Variants in ITPR2 observed in about 807,000 individuals in gnomAD.
The protein encoded by ITPR2 is inositol 1,4,5-trisphosphate-gated calcium channel ITPR2.
Under a neutral mutation model 317.1 loss-of-function variants are expected in ITPR2, and 207 were observed. The ratio of observed to expected loss-of-function variants is 0.65; its 90% CI spans 0.58 to 0.73. The LOEUF is 0.73. Ranked by LOEUF, ITPR2 falls within the 30% of genes least tolerant of loss-of-function variation. The pLI, the probability that ITPR2 is intolerant of heterozygous loss-of-function variation, is 0.00. For missense variants in ITPR2, 2,613 were observed against 3,284.0 expected, an observed-to-expected ratio of 0.80 and a Z score of 4.99; for synonymous variants, 1,156 against 1,149.1, an observed-to-expected ratio of 1.01 and a Z score of -0.12.
chr12:26,425,356 T>C (rs1446325912), intron 49 of ITPR2, among the ~76,000 whole-genome samples: 1 of 152,176 alleles, frequency 6.6e-6, no homozygotes. Flanking sequence ...CAAATTAAAG[T>C]TGATTTTTTT....
chr12:26,538,345 T>C (rs1317966925), intron 37 of ITPR2, among the ~76,000 whole-genome samples: 1 of 144,978 alleles, frequency 6.9e-6, no homozygotes, highest in Non-Finnish European at 1.6e-5. Context: ...CACACCTTTT[T>C]GAAAAAAAAA....
At chr12:26,786,846 G>A (rs1950262080) in intron 2 of ITPR2, among the ~76,000 whole-genome samples, 2 of 152,152 alleles carry the variant, frequency 1.3e-5, no homozygotes, top group Non-Finnish European at 2.9e-5. Flanking sequence ...GTCTGGCTGA[G>A]GCAAGAGGAA....
At chr12:26,699,291 C>A (rs1948403069) in intron 9 of ITPR2, among the ~76,000 whole-genome samples, 1 of 152,142 alleles carries the variant, frequency 6.6e-6, no homozygotes, top group Non-Finnish European at 1.5e-5. Flanking sequence ...TTACCTTCTA[C>A]AATCAGTCTT....
intron 45 of ITPR2, among the ~76,000 whole-genome samples, chr12:26,469,390 T>C (rs12299352): frequency 0.092 from 13,990 of 152,084 alleles, 1,364 homozygotes; most frequent in African/African-American, 0.23. Flanking sequence ...TATGCCAAGT[T>C]CATTGCCACT....
chr12:26,652,571 C>T (rs1947281657), intron 21 of ITPR2, among the ~76,000 whole-genome samples: 1 of 152,172 alleles, frequency 6.6e-6, no homozygotes, highest in Non-Finnish European at 1.5e-5. Context: ...AGCTGCTGGG[C>T]ATTCTTGTTG....
chr12:26,535,756 C>T (rs531428459), intron 37 of ITPR2, among the ~76,000 whole-genome samples: 7 of 152,300 alleles, frequency 4.6e-5, no homozygotes, highest in Non-Finnish European at 8.8e-5. Flanking sequence ...CATTATATGG[C>T]TTCCACTTTT....
At chr12:26,523,610 A>C (rs547828506) in intron 37 of ITPR2, among the ~76,000 whole-genome samples, 4 of 151,898 alleles carry the variant, frequency 2.6e-5, no homozygotes, top group Admixed American at 2.6e-4. Context: ...CCCCACCCCT[A>C]CATTATTTAT....
At chr12:26,819,380 G>T (rs1383609370) in intron 1 of ITPR2, among the ~76,000 whole-genome samples, 1 of 152,132 alleles carries the variant, frequency 6.6e-6, no homozygotes, top group Non-Finnish European at 1.5e-5. Context: ...ATAAATTAAC[G>T]AGGAACAAAA....
chr12:26,541,399 G>A (rs1279461427), intron 37 of ITPR2, among the ~76,000 whole-genome samples: 2 of 152,066 alleles, frequency 1.3e-5, no homozygotes, highest in Admixed American at 1.3e-4. Context: ...CACAGTTGCA[G>A]CATCACTAAT....
intron 45 of ITPR2, among the ~76,000 whole-genome samples, chr12:26,453,985 A>G (rs1324601728): frequency 6.6e-6 from 1 of 152,164 alleles, no homozygotes; most frequent in South Asian, 2.1e-4. Flanking sequence ...GAGTTGCTTA[A>G]TAAATATTTT....
intron 49 of ITPR2, 77 bp downstream of exon 49, chr12:26,427,836 G>T: frequency 1.1e-6 from 1 of 951,780 alleles, no homozygotes; most frequent in Non-Finnish European, 1.4e-6. Context: ...TGAATTAAAA[G>T]CTTATAGTTA....
chr12:26,522,727 G>A (rs1480604398), intron 37 of ITPR2, among the ~76,000 whole-genome samples: 2 of 152,072 alleles, frequency 1.3e-5, no homozygotes, highest in East Asian at 1.9e-4. Flanking sequence ...CTGGGTTTTA[G>A]TACATATTAG....
intron 37 of ITPR2, among the ~76,000 whole-genome samples, chr12:26,533,390 T>C (rs1943996681): frequency 6.6e-6 from 1 of 152,206 alleles, no homozygotes; most frequent in South Asian, 2.1e-4. Context: ...TTAAATCTGT[T>C]TGTAGATGCC....
chr12:26,487,605 G>A (rs1214444908), intron 39 of ITPR2, among the ~76,000 whole-genome samples: 2 of 152,140 alleles, frequency 1.3e-5, no homozygotes, highest in Admixed American at 6.5e-5. Context: ...CAACATGTAT[G>A]TATTGAGTGC....
At chr12:26,643,841 A>G (rs993184142) in intron 21 of ITPR2, among the ~76,000 whole-genome samples, 1 of 152,206 alleles carries the variant, frequency 6.6e-6, no homozygotes, top group African/African-American at 2.4e-5. Flanking sequence ...GAAATGCCTT[A>G]AAGATGGAAT....
chr12:26,451,514 T>C (rs1163618934), intron 45 of ITPR2, among the ~76,000 whole-genome samples: 1 of 152,118 alleles, frequency 6.6e-6, no homozygotes, highest in Non-Finnish European at 1.5e-5. Flanking sequence ...CAAGGAGTTC[T>C]AAAAATATTG....
intron 21 of ITPR2, among the ~76,000 whole-genome samples, chr12:26,636,609 T>C (rs1299846085): frequency 6.6e-6 from 1 of 152,244 alleles, no homozygotes; most frequent in Non-Finnish European, 1.5e-5. Flanking sequence ...CTTACTTTCC[T>C]TTATACTTCT....
At chr12:26,714,491 T>A (rs1948703491) in intron 8 of ITPR2, among the ~76,000 whole-genome samples, 1 of 152,304 alleles carries the variant, frequency 6.6e-6, no homozygotes, top group African/African-American at 2.4e-5. Flanking sequence ...TATTTTCCTT[T>A]TATTTATTCT....
chr12:26,622,445 T>C lies in ITPR2; in HGVS notation c.3123-40A>G, dbSNP rs1417300311. ...ACATTTCTAAAGTGACTCCTATTTA[T>C]ATAACATCTACACTTCAGTATTAGA... On this transcript the variant is annotated intron_variant, in intron 24 of 56. Coordinates refer to ENST00000381340, the MANE Select transcript of ITPR2 (RefSeq NM_002223.4). 3.4e-6 allele frequency: 5 copies of C among 1,464,512 alleles called. No individual in the cohort carries two copies. The Admixed American group carries it at 6.0e-5, about 18-fold the overall frequency. The allele number at this position is 1,464,512 out of a possible 1,614,324, so 90.7% of individuals were successfully genotyped here. A position where few individuals can be genotyped will look rare whatever the true frequency, so the allele number is the denominator to read the frequency against.
Sources: allele counts gnomAD v4.1 joint callset (sites outside exome capture counted in the v4.1 genomes callset), GRCh38; gene constraint gnomAD v4.1.1; transcripts MANE v1.5; gene names NCBI Gene and HGNC (gene_info 2026-07-23, HGNC 2026-07-21).